The following TAFA4 variants were observed in gnomAD, a reference collection of about 807,000 sequenced individuals.
The protein encoded by TAFA4 is chemokine-like protein TAFA-4.
A neutral mutation model predicts 21.1 loss-of-function variants in TAFA4; 20 were observed. That is an observed-to-expected ratio of 0.95 (90% CI 0.67 to 1.38). The LOEUF (loss-of-function observed/expected upper bound fraction) is 1.38, where lower values mean the gene tolerates loss of function less well. TAFA4 is among the 40% of genes most tolerant of loss of function. The pLI, the probability that TAFA4 is intolerant of heterozygous loss-of-function variation, is 0.00. For missense variants in TAFA4, 211 were observed against 180.9 expected, an observed-to-expected ratio of 1.17 and a Z score of -0.95; for synonymous variants, 71 against 67.4, an observed-to-expected ratio of 1.05 and a Z score of -0.26.
intron 3 of TAFA4, among the ~76,000 whole-genome samples, chr3:68,822,123 A>G (rs944366932): frequency 6.6e-6 from 1 of 152,200 alleles, no homozygotes; most frequent in African/African-American, 2.4e-5. Flanking sequence ...TGAATTATCC[A>G]GTGAAAACAA....
chr3:68,764,776 G>A (rs937158118), intron 3 of TAFA4, among the ~76,000 whole-genome samples: 1 of 152,274 alleles, frequency 6.6e-6, no homozygotes, highest in South Asian at 2.1e-4. Flanking sequence ...GAAATCAAAT[G>A]AAGTGGCTCC....
intron 3 of TAFA4, among the ~76,000 whole-genome samples, chr3:68,790,767 T>C (rs1703346480): frequency 1.3e-5 from 2 of 151,870 alleles, no homozygotes; most frequent in African/African-American, 4.8e-5. Flanking sequence ...CAGTGAGGGG[T>C]GAAAGGACCT....
chr3:68,764,285 G>A (rs1043638747), intron 3 of TAFA4, among the ~76,000 whole-genome samples: 20 of 152,238 alleles, frequency 1.3e-4, no homozygotes, highest in Non-Finnish European at 1.8e-4. Flanking sequence ...ACAACCGTCT[G>A]CAAGCTAGGA....
chr3:68,886,712 T>C (rs2089676848), intron 1 of TAFA4, among the ~76,000 whole-genome samples: 1 of 152,170 alleles, frequency 6.6e-6, no homozygotes, highest in Non-Finnish European at 1.5e-5. Context: ...ACTCATTCAG[T>C]CATATTTTCC....
At chr3:68,742,727 A>G (rs1274147237) in intron 4 of TAFA4, among the ~76,000 whole-genome samples, 3 of 152,208 alleles carry the variant, frequency 2.0e-5, no homozygotes, top group Non-Finnish European at 4.4e-5. Context: ...GAAATAAAAA[A>G]TATTTTTAAA....
chr3:68,892,934 A>C lies in TAFA4; in HGVS notation c.-122-7624T>G, dbSNP rs148553820. On this transcript the variant is annotated intron_variant, in intron 1 of 5. Transcript: ENST00000295569. ...TTACATAAAATAAAATGCGCTCACCAAAATCAGCAGCACCCAGCATGGCTC... is the reference window on the plus strand; with the variant it reads ...TTACATAAAATAAAATGCGCTCACCCAAATCAGCAGCACCCAGCATGGCTC... 5.7e-3 allele frequency among the ~76,000 whole-genome samples: 870 copies of C among 152,342 alleles called. 9 individuals carry two copies. The highest frequency in any genetic ancestry group is 0.02 in the African/African-American group (835 of 41,572).
intron 3 of TAFA4, among the ~76,000 whole-genome samples, chr3:68,766,384 C>G (rs184922265): frequency 6.6e-6 from 1 of 151,926 alleles, no homozygotes. Flanking sequence ...TACCACACAT[C>G]AAATCCAGGT....
At chr3:68,790,672 G>A (rs993304065) in intron 3 of TAFA4, among the ~76,000 whole-genome samples, 11 of 152,136 alleles carry the variant, frequency 7.2e-5, no homozygotes, top group African/African-American at 2.7e-4. Flanking sequence ...TCTGACATTT[G>A]TGCAGAGGCA....
chr3:68,879,407 A>C (rs2089590390), intron 3 of TAFA4, among the ~76,000 whole-genome samples: 1 of 152,178 alleles, frequency 6.6e-6, no homozygotes, highest in African/African-American at 2.4e-5. Flanking sequence ...ATTAGATAAA[A>C]TTTATAGCAT....
chr3:68,879,395 T>C (rs145865731), intron 3 of TAFA4, among the ~76,000 whole-genome samples: 1 of 152,240 alleles, frequency 6.6e-6, no homozygotes, highest in Admixed American at 6.5e-5. Context: ...TCCCTGAAGA[T>C]CATTAGATAA....
chr3:68,855,792 C>T (rs895495642), intron 3 of TAFA4, among the ~76,000 whole-genome samples: 1 of 152,004 alleles, frequency 6.6e-6, no homozygotes, highest in Non-Finnish European at 1.5e-5. Context: ...AAACATGATT[C>T]ATTCCAAAGT....
chr3:68,833,429 C>T (rs1374111848), intron 3 of TAFA4, among the ~76,000 whole-genome samples: 2 of 152,148 alleles, frequency 1.3e-5, no homozygotes, highest in Non-Finnish European at 2.9e-5. Flanking sequence ...ATCTTCCATG[C>T]ATGAAAATGG....
In TAFA4 at chr3:68,920,469, C is replaced by T. The variant is rs116111166; in HGVS notation, c.-123+11771G>A. ...CTTCAAATGATAAGAGAGAATCTACCAGGTCTTCATCAGTCCATTCTTCCT... is the reference window on the plus strand; with the variant it reads ...CTTCAAATGATAAGAGAGAATCTACTAGGTCTTCATCAGTCCATTCTTCCT... On this transcript the variant is annotated intron_variant, in intron 1 of 5. Coordinates refer to ENST00000295569, the MANE Select transcript of TAFA4 (RefSeq NM_182522.5). Among the ~76,000 whole-genome samples, 278 of 152,156 alleles carry T rather than the reference C, an allele frequency of 1.8e-3. 1 individual carries two copies. The highest frequency in any genetic ancestry group is 6.4e-3 in the African/African-American group (267 of 41,488).
intron 3 of TAFA4, among the ~76,000 whole-genome samples, chr3:68,812,891 C>T (rs1430589819): frequency 2.3e-5 from 3 of 127,872 alleles, no homozygotes; most frequent in African/African-American, 3.2e-5. Flanking sequence ...AGCACCACAC[C>T]ACACCTATTC....
intron 3 of TAFA4, among the ~76,000 whole-genome samples, chr3:68,781,810 G>T (rs2106797653): frequency 6.6e-6 from 1 of 152,190 alleles, no homozygotes; most frequent in African/African-American, 2.4e-5. Context: ...TAAAAATAAA[G>T]AAAATTACAG....
At position 68,835,280 on chromosome 3, in the gene TAFA4, T is replaced by A. The variant is rs148551064; in HGVS notation, c.130+45450A>T. Among the ~76,000 whole-genome samples the A allele has an allele frequency of 5.4e-3, 826 of 152,350 alleles. 9 individuals are homozygous for A. The highest frequency in any genetic ancestry group is 0.019 in the African/African-American group (770 of 41,576). On this transcript the variant is annotated intron_variant, in intron 3 of 5. Coordinates refer to ENST00000295569, the MANE Select transcript of TAFA4 (RefSeq NM_182522.5). ...TCTGTGTTATTTTTCTCCTCAGAAC[T>A]AATCACCATCTGACATTTACTTTTT...
rs557203733 is a variant in TAFA4 at position 68,890,258 on chromosome 3, A to C, written c.-122-4948T>G. On this transcript the variant is annotated intron_variant, in intron 1 of 5. Transcript: ENST00000295569. ...AAAACTAATAAGCAAAAGGTAAGCAATTGGTGAATCGGGGCACAAGGTATA... is the reference window on the plus strand; with the variant it reads ...AAAACTAATAAGCAAAAGGTAAGCACTTGGTGAATCGGGGCACAAGGTATA... Among the ~76,000 whole-genome samples the C allele has an allele frequency of 5.9e-5, 9 of 152,312 alleles. No homozygotes were observed. In the South Asian group the frequency reaches 1.9e-3, roughly 32 times the overall value.
intron 1 of TAFA4, among the ~76,000 whole-genome samples, chr3:68,895,599 A>G (rs1199506050): frequency 6.6e-6 from 1 of 152,224 alleles, no homozygotes; most frequent in Non-Finnish European, 1.5e-5. Context: ...GGTAGGGGGA[A>G]TTAGCTATGC....
intron 3 of TAFA4, among the ~76,000 whole-genome samples, chr3:68,807,610 A>G (rs949815557): frequency 5.9e-5 from 9 of 152,176 alleles, no homozygotes; most frequent in African/African-American, 2.2e-4. Context: ...TTGTAATTAT[A>G]AGAGCTTAGA....
Sources: gnomAD v4.1 joint callset for allele counts (sites outside exome capture counted in the v4.1 genomes callset) on GRCh38, gnomAD v4.1.1 for gene constraint, MANE v1.5 for transcripts, NCBI Gene and HGNC (gene_info 2026-07-23, HGNC 2026-07-21) for gene names.